The following DPF3 variants were observed in gnomAD, a reference collection of about 807,000 sequenced individuals.
The protein encoded by DPF3 is double PHD fingers 3.
In DPF3, 18 loss-of-function variants were observed where a neutral mutation model predicts 56.8. The observed-to-expected ratio is 0.32, with a 90% CI of 0.22 to 0.47. DPF3 has a LOEUF of 0.47. Among genes scored for constraint, DPF3 ranks in the 20% least tolerant of loss-of-function variants. The pLI is 1.00. For synonymous variants in DPF3, 188 were observed against 180.2 expected (o/e 1.04, Z -0.35); for missense variants, 403 against 488.8 (o/e 0.82, Z 1.65).
chr14:72,854,439 A>G (rs1161118671), intron 1 of DPF3, among the ~76,000 whole-genome samples: 4 of 152,194 alleles, frequency 2.6e-5, no homozygotes. Context: ...CAACTTCTTC[A>G]GTCATTTAAG....
Position 72,817,980 on chromosome 14 carries a change from G to A in DPF3, c.33-46087C>T, listed in dbSNP as rs573943986. Among the ~76,000 whole-genome samples the A allele has an allele frequency of 7.2e-5, 11 of 152,128 alleles. 1 individual carries two copies. The highest frequency in any genetic ancestry group is 4.2e-4 in the South Asian group (2 of 4,810). On this transcript the variant is annotated intron_variant, in intron 1 of 10. Transcript: ENST00000556509. ...AAAATTCCAGAAGAAGGCCAAGCACGGTGGCCTGTAATCCCAGCACTTTGG... is the reference window on the plus strand; with the variant it reads ...AAAATTCCAGAAGAAGGCCAAGCACAGTGGCCTGTAATCCCAGCACTTTGG...
Position 72,619,883 on chromosome 14 carries a change from G to A in DPF3, c.1066+20C>T. The A allele has an allele frequency of 6.6e-7, 1 of 1,525,422 alleles. No individual in the cohort carries two copies. The highest frequency in any genetic ancestry group is 8.8e-7 in the Non-Finnish European group (1 of 1,140,932). 94.5% of individuals were successfully genotyped at this position (1,525,422 alleles called of 1,614,324 possible). A position where few individuals can be genotyped will look rare whatever the true frequency, so the allele number is the denominator to read the frequency against. ...AGTAGTATCTGTTGCTGTTCTTATT[G>A]TTGACTTCATCATCATTACCTTCTG... On this transcript the variant is annotated intron_variant, in intron 10 of 10. Transcript: ENST00000556509.
intron 1 of DPF3, among the ~76,000 whole-genome samples, chr14:72,806,570 A>G (rs1191522313): frequency 6.6e-6 from 1 of 152,220 alleles, no homozygotes; most frequent in African/African-American, 2.4e-5. Context: ...AAACTTTGCA[A>G]AACACTTTAT....
intron 5 of DPF3, among the ~76,000 whole-genome samples, chr14:72,716,699 CT>C (rs1888943003): frequency 1.3e-5 from 2 of 152,220 alleles, no homozygotes; most frequent in Admixed American, 6.5e-5. Flanking sequence ...ATAAGAAGCA[CT>C]TAATAAACAT....
chr14:72,830,352 C>T (rs1884001195), intron 1 of DPF3, among the ~76,000 whole-genome samples: 1 of 152,180 alleles, frequency 6.6e-6, no homozygotes, highest in Non-Finnish European at 1.5e-5. Context: ...TCTTAAAAAT[C>T]CAGTTACACT....
chr14:72,759,185 G>A (rs1261998580), intron 2 of DPF3, among the ~76,000 whole-genome samples: 1 of 152,134 alleles, frequency 6.6e-6, no homozygotes, highest in Non-Finnish European at 1.5e-5. Flanking sequence ...GGGAGTTAAT[G>A]TCAGATTAGA....
chr14:72,613,014 G>C lies in DPF3; in HGVS notation c.*6283C>G, dbSNP rs543706092. ...AGGGCGTGTGTGTGTGTGTGTGTGT[G>C]TGTGTGTGTGTGTGTGTATGTGCGT... is the stretch of plus-strand genomic sequence containing the variant. On this transcript the variant is annotated 3_prime_UTR_variant, in exon 11 of 11. Transcript: ENST00000556509. Among the ~76,000 whole-genome samples, 863 of 151,860 alleles carry C rather than the reference G, an allele frequency of 5.7e-3. 9 individuals are homozygous for C. Among genetic ancestry groups the C allele is most frequent in the African/African-American group, 0.02 (831 of 41,344 alleles).
intron 8 of DPF3, among the ~76,000 whole-genome samples, chr14:72,655,626 T>C (rs1485944224): frequency 6.6e-6 from 1 of 152,236 alleles, no homozygotes; most frequent in African/African-American, 2.4e-5. Flanking sequence ...GAGGAAAATG[T>C]GTCTTGCCAC....
chr14:72,700,141 T>C (rs1389185820), intron 6 of DPF3, among the ~76,000 whole-genome samples: 1 of 152,170 alleles, frequency 6.6e-6, no homozygotes, highest in Non-Finnish European at 1.5e-5. Context: ...TTCATCACAA[T>C]GGAAAGAAAC....
At chr14:72,825,273 C>A (rs1046537499) in intron 1 of DPF3, among the ~76,000 whole-genome samples, 4 of 152,170 alleles carry the variant, frequency 2.6e-5, no homozygotes, top group African/African-American at 9.7e-5. Flanking sequence ...TCTTTCTGAC[C>A]CCATCCCCCA....
At position 72,892,769 on chromosome 14, in the gene DPF3, G is replaced by A. The variant is rs922653195; in HGVS notation, c.32+1288C>T. 25 of 912,218 alleles carry A rather than the reference G, an allele frequency of 2.7e-5. No individual in the cohort carries two copies. The South Asian group carries it at 1.1e-3, about 40-fold the overall frequency. 56.5% of individuals were successfully genotyped at this position (912,218 alleles called of 1,614,324 possible). A position where few individuals can be genotyped will look rare whatever the true frequency, so the allele number is the denominator to read the frequency against. ...ACTTCGCCTGCGGCTTCGTCCGGGC[G>A]GGGAAGTCCCGGTCGAAGGGGTGAG... On this transcript the variant is annotated intron_variant, in intron 1 of 10. Transcript: ENST00000556509.
chr14:72,653,388 G>A (rs540532250), intron 8 of DPF3, among the ~76,000 whole-genome samples: 2 of 152,280 alleles, frequency 1.3e-5, no homozygotes, highest in South Asian at 2.1e-4. Flanking sequence ...CACCTCTTTC[G>A]GCCTCAGGGG....
chr14:72,883,004 G>C (rs946953935), intron 1 of DPF3, among the ~76,000 whole-genome samples: 1 of 152,214 alleles, frequency 6.6e-6, no homozygotes, highest in African/African-American at 2.4e-5. Context: ...GTTCTCAGGG[G>C]CAGGCAGGCA....
intron 2 of DPF3, 119 bp from the exon 3 acceptor site, chr14:72,753,490 T>C (rs923703743): frequency 4.9e-5 from 38 of 782,602 alleles, no homozygotes; most frequent in Non-Finnish European, 2.7e-5. Context: ...AGAAGTGACT[T>C]GTCAACATCA....
chr14:72,837,771 G>A (rs1884361314), intron 1 of DPF3, among the ~76,000 whole-genome samples: 1 of 152,164 alleles, frequency 6.6e-6, no homozygotes, highest in East Asian at 1.9e-4. Context: ...AGAAAAAAAA[G>A]ATCACTGTTC....
intron 1 of DPF3, among the ~76,000 whole-genome samples, chr14:72,783,275 C>G (rs1202596742): frequency 1.3e-5 from 2 of 150,716 alleles, no homozygotes; most frequent in Admixed American, 1.3e-4. Flanking sequence ...GCCTACTGAT[C>G]ATCTATACAC....
At chr14:72,869,084 A>C (rs752077520) in intron 1 of DPF3, among the ~76,000 whole-genome samples, 4 of 152,196 alleles carry the variant, frequency 2.6e-5, no homozygotes, top group Non-Finnish European at 5.9e-5. Flanking sequence ...CTGCAGCCAC[A>C]GTGGCCTTCC....
chr14:72,862,205 A>AC lies in DPF3; in HGVS notation c.32+31851dup, dbSNP rs561834174. ...GTGAGGCCCACTGGACAGTTCCCTA[A>AC]CCCCCCCTGCATGCTATCAACAATG... is the stretch of plus-strand genomic sequence containing the variant. On this transcript the variant is annotated intron_variant, in intron 1 of 10. Transcript: ENST00000556509. 3.3e-3 allele frequency among the ~76,000 whole-genome samples: 505 copies of AC among 151,576 alleles called. 2 individuals carry two copies. Among genetic ancestry groups the AC allele is most frequent in the African/African-American group, 0.011 (469 of 41,282 alleles).
At position 72,771,655 on chromosome 14, in the gene DPF3, T is replaced by A; in HGVS notation, c.193+78A>T. On this transcript the variant is annotated intron_variant, in intron 2 of 10. Transcript: ENST00000556509. ...CCGATCCTACCCAGGCTGCCTGGTTTCCCAGACAAGCTGCGGTCCTCCTCC... is the reference window on the plus strand; with the variant it reads ...CCGATCCTACCCAGGCTGCCTGGTTACCCAGACAAGCTGCGGTCCTCCTCC... The A allele has an allele frequency of 4.6e-6, 7 of 1,518,974 alleles. No individual in the cohort carries two copies. The South Asian group carries it at 9.2e-5, about 20-fold the overall frequency. 94.1% of individuals were successfully genotyped at this position (1,518,974 alleles called of 1,614,324 possible).
Sources: allele counts gnomAD v4.1 joint callset (sites outside exome capture counted in the v4.1 genomes callset), GRCh38; gene constraint gnomAD v4.1.1; transcripts MANE v1.5; gene names NCBI Gene and HGNC (gene_info 2026-07-23, HGNC 2026-07-21).